ADGRB3: variants seen among roughly 807,000 people sequenced by gnomAD.
The protein encoded by ADGRB3 is brain-specific angiogenesis inhibitor 3.
In ADGRB3, 37 loss-of-function variants were observed where a neutral mutation model predicts 193.4. The observed-to-expected ratio is 0.19, with a 90% CI of 0.15 to 0.25. ADGRB3 has a LOEUF of 0.25. Ranked by LOEUF, ADGRB3 falls within the 10% of genes least tolerant of loss-of-function variation. The pLI, the probability that ADGRB3 is intolerant of heterozygous loss-of-function variation, is 1.00. For missense variants in ADGRB3, 1,637 were observed against 1,852.9 expected (o/e 0.88, Z 2.14); for synonymous variants, 690 against 644.2 (o/e 1.07, Z -1.08).
rs191857461 is a variant in ADGRB3 at position 69,377,077 on chromosome 6, A to C, written c.4275+4636A>C. Among the ~76,000 whole-genome samples the C allele has an allele frequency of 7.2e-5, 11 of 152,190 alleles. No individual in the cohort carries two copies. In the East Asian group the frequency reaches 1.7e-3, roughly 24 times the overall value. On this transcript the variant is annotated intron_variant, in intron 30 of 31. Transcript: ENST00000370598. Reference sequence around the variant, plus strand: ...GGATGCATTGGGACTCCAGCCAAGGAAATCATCCCCCTTTCACAACACACT... The same window carrying C: ...GGATGCATTGGGACTCCAGCCAAGGCAATCATCCCCCTTTCACAACACACT...
intron 3 of ADGRB3, among the ~76,000 whole-genome samples, chr6:68,668,543 A>G (rs1768856446): frequency 1.3e-5 from 2 of 151,956 alleles, no homozygotes; most frequent in Admixed American, 6.6e-5. Flanking sequence ...ACTCATATTC[A>G]TAGTTTTTTA....
intron 3 of ADGRB3, among the ~76,000 whole-genome samples, chr6:68,778,414 T>C (rs1766791645): frequency 1.3e-5 from 2 of 152,080 alleles, no homozygotes; most frequent in Admixed American, 6.6e-5. Flanking sequence ...ATGCCCACTT[T>C]CCAAATGCAA....
chr6:69,092,121 CA>C (rs1273447797), intron 17 of ADGRB3, among the ~76,000 whole-genome samples: 14 of 152,188 alleles, frequency 9.2e-5, no homozygotes, highest in Admixed American at 3.9e-4. Flanking sequence ...CCTTTGTTAG[CA>C]AAGATTCTCC....
chr6:68,789,368 A>G (rs958914503), intron 3 of ADGRB3, among the ~76,000 whole-genome samples: 2 of 152,052 alleles, frequency 1.3e-5, no homozygotes, highest in East Asian at 3.9e-4. Flanking sequence ...AAAATCTCTC[A>G]GCATTTGCTT....
At chr6:69,321,169 T>C (rs1768448829) in intron 20 of ADGRB3, among the ~76,000 whole-genome samples, 1 of 151,806 alleles carries the variant, frequency 6.6e-6, no homozygotes, top group African/African-American at 2.4e-5. Context: ...TTTTTCCTGT[T>C]ATTTTAAGCA....
chr6:69,135,022 T>G (rs919545489), intron 17 of ADGRB3, among the ~76,000 whole-genome samples: 1 of 152,166 alleles, frequency 6.6e-6, no homozygotes, highest in Admixed American at 6.5e-5. Context: ...ATAATGTATT[T>G]TCACATTATT....
chr6:69,091,378 T>A (rs1772701313), intron 17 of ADGRB3, among the ~76,000 whole-genome samples: 1 of 152,146 alleles, frequency 6.6e-6, no homozygotes, highest in South Asian at 2.1e-4. Context: ...AGCAAAGACA[T>A]GGAATCAGCC....
rs560462791 is a variant in ADGRB3, at chr6:69,124,842, A to T, written c.2480+48804A>T. On this transcript the variant is annotated intron_variant, in intron 17 of 31. Coordinates refer to ENST00000370598, the MANE Select transcript of ADGRB3 (RefSeq NM_001704.3). Reference sequence around the variant, plus strand: ...TTAATTTTTTTTCTGTTTCCTCCAGAGTCTGCCATTCTATTTCTATTTCCT... The same window carrying T: ...TTAATTTTTTTTCTGTTTCCTCCAGTGTCTGCCATTCTATTTCTATTTCCT... Among the ~76,000 whole-genome samples the T allele has an allele frequency of 3.9e-3, 599 of 152,046 alleles. 2 individuals are homozygous for T. The highest frequency in any genetic ancestry group is 6.8e-3 in the Non-Finnish European group (459 of 67,982).
At chr6:69,016,565 T>C (rs1008957513) in intron 12 of ADGRB3, among the ~76,000 whole-genome samples, 1 of 152,038 alleles carries the variant, frequency 6.6e-6, no homozygotes, top group South Asian at 2.1e-4. Flanking sequence ...CTTATATCTT[T>C]ATGACTGGAA....
rs190675100 is a variant in ADGRB3, at chr6:69,209,661, G to T, written c.2481-23629G>T. Among the ~76,000 whole-genome samples the T allele has an allele frequency of 1.1e-3, 171 of 152,328 alleles. 1 individual carries two copies. The highest frequency in any genetic ancestry group is 1.9e-3 in the Non-Finnish European group (129 of 68,026). ...TGAGGTAGGACAGTAAAGGAGTATT[G>T]CTGGCCTTGCCAGCTGAAGGCAAAT... On this transcript the variant is annotated intron_variant, in intron 17 of 31. Coordinates refer to ENST00000370598, the MANE Select transcript of ADGRB3 (RefSeq NM_001704.3).
intron 17 of ADGRB3, among the ~76,000 whole-genome samples, chr6:69,131,372 T>C (rs1312200647): frequency 1.3e-5 from 2 of 151,738 alleles, no homozygotes; most frequent in African/African-American, 4.8e-5. Context: ...AGTTTCTATG[T>C]GTGTCTCCAC....
intron 17 of ADGRB3, among the ~76,000 whole-genome samples, chr6:69,138,844 A>G (rs1055959617): frequency 6.6e-6 from 1 of 152,266 alleles, no homozygotes; most frequent in Admixed American, 6.5e-5. Flanking sequence ...AGCAAAGGTT[A>G]TAAAAGGAAT....
intron 3 of ADGRB3, among the ~76,000 whole-genome samples, chr6:68,900,100 CTA>C (rs1169621945): frequency 1.3e-5 from 2 of 151,938 alleles, no homozygotes; most frequent in African/African-American, 2.4e-5. Flanking sequence ...AATGTATTGA[CTA>C]TGTGTATGCA....
chr6:69,005,194 A>G (rs1769710950), intron 11 of ADGRB3, among the ~76,000 whole-genome samples: 1 of 151,738 alleles, frequency 6.6e-6, no homozygotes, highest in African/African-American at 2.4e-5. Flanking sequence ...TTTACCTTTC[A>G]TTTTTAAAAG....
In ADGRB3 at chr6:68,901,427, A is replaced by G. The variant is rs185217830; in HGVS notation, c.758-29132A>G. Among the ~76,000 whole-genome samples, 337 of 152,170 alleles carry G rather than the reference A, an allele frequency of 2.2e-3. 3 individuals are homozygous for G. The highest frequency in any genetic ancestry group is 7.6e-3 in the African/African-American group (315 of 41,518). ...CAGAAGAATCCACAGTCTTTTTATA[A>G]CCCAATCATCATTACCTCTGCAATA... is the stretch of plus-strand genomic sequence containing the variant. On this transcript the variant is annotated intron_variant, in intron 3 of 31. Coordinates refer to ENST00000370598, the MANE Select transcript of ADGRB3 (RefSeq NM_001704.3).
chr6:68,701,635 C>G (rs1470808993), intron 3 of ADGRB3, among the ~76,000 whole-genome samples: 1 of 152,146 alleles, frequency 6.6e-6, no homozygotes, highest in African/African-American at 2.4e-5. Flanking sequence ...TGAAAACTTG[C>G]TTCTTTTATT....
chr6:69,007,693 T>TCTCTCTCA (rs1232770873), intron 11 of ADGRB3, among the ~76,000 whole-genome samples: 2 of 90,080 alleles, frequency 2.2e-5, no homozygotes, highest in South Asian at 6.6e-4. Flanking sequence ...TCTCTCTCTC[T>TCTCTCTCA]CACACACACA....
At chr6:69,238,180 T>C (rs1019369549) in intron 19 of ADGRB3, among the ~76,000 whole-genome samples, 3 of 152,088 alleles carry the variant, frequency 2.0e-5, no homozygotes, top group Non-Finnish European at 2.9e-5. Context: ...TCCTGTCTAA[T>C]GCTGCATAGA....
Position 68,867,522 on chromosome 6 carries a change from G to C in ADGRB3, c.758-63037G>C, listed in dbSNP as rs1488973706. On this transcript the variant is annotated intron_variant, in intron 3 of 31. Coordinates refer to ENST00000370598, the MANE Select transcript of ADGRB3 (RefSeq NM_001704.3). ...AATGTGGGGTTGGAGCCCCCACACA[G>C]AGTCCCACTGTGGCACTGCATAGTG... Among the ~76,000 whole-genome samples, 3 of 152,202 alleles carry C rather than the reference G, an allele frequency of 2.0e-5. No individual in the cohort carries two copies. In the South Asian group the frequency reaches 6.2e-4, roughly 32 times the overall value.
Sources: gnomAD v4.1 joint callset for allele counts (sites outside exome capture counted in the v4.1 genomes callset) on GRCh38, gnomAD v4.1.1 for gene constraint, MANE v1.5 for transcripts, NCBI Gene and HGNC (gene_info 2026-07-23, HGNC 2026-07-21) for gene names.